ROBO2: variants seen among roughly 807,000 people sequenced by gnomAD.
ROBO2 encodes roundabout homolog 2.
A neutral mutation model predicts 160.8 loss-of-function variants in ROBO2; 53 were observed. That is an observed-to-expected ratio of 0.33 (90% CI 0.26 to 0.41). The LOEUF is 0.41. Ranked by LOEUF, ROBO2 falls within the 10% of genes least tolerant of loss-of-function variation. ROBO2 has a pLI of 1.00. For synonymous variants in ROBO2, 664 were observed against 611.7 expected (o/e 1.09, Z -1.26); for missense variants, 1,577 against 1,722.4 (o/e 0.92, Z 1.49).
intron 2 of ROBO2, among the ~76,000 whole-genome samples, chr3:77,324,827 G>A (rs2065218358): frequency 1.3e-5 from 2 of 148,852 alleles, no homozygotes; most frequent in African/African-American, 4.9e-5. Flanking sequence ...TACAGGGATA[G>A]CAAAAATGAA....
chr3:76,934,055 T>C (rs1361012352), intron 2 of ROBO2, among the ~76,000 whole-genome samples: 1 of 152,034 alleles, frequency 6.6e-6, no homozygotes, highest in Non-Finnish European at 1.5e-5. Context: ...AGTTCAGCTC[T>C]AAAAGCTTTT....
chr3:76,907,830 G>GTGTGTT (rs2075711762), intron 2 of ROBO2, among the ~76,000 whole-genome samples: 1 of 115,394 alleles, frequency 8.7e-6, no homozygotes, highest in Non-Finnish European at 2.0e-5. Context: ...TGGGGTGTGT[G>GTGTGTT]TGTGTGTGTG....
chr3:77,477,822 T>C (rs1426314044), intron 3 of ROBO2, among the ~76,000 whole-genome samples: 1 of 146,590 alleles, frequency 6.8e-6, no homozygotes. Flanking sequence ...AATATTGATA[T>C]TTTAGCTCTT....
At chr3:76,534,468 A>G (rs1489140439) in intron 2 of ROBO2, among the ~76,000 whole-genome samples, 1 of 152,124 alleles carries the variant, frequency 6.6e-6, no homozygotes, top group Admixed American at 6.5e-5. Flanking sequence ...TATATTACCC[A>G]TTTACCATAG....
chr3:76,487,148 A>G (rs908478386), intron 2 of ROBO2, among the ~76,000 whole-genome samples: 1 of 131,014 alleles, frequency 7.6e-6, no homozygotes, highest in African/African-American at 2.6e-5. Flanking sequence ...TTTTTAATTT[A>G]ATTTTTTTTT....
At chr3:76,374,411 T>G (rs1211511385) in intron 2 of ROBO2, among the ~76,000 whole-genome samples, 1 of 151,984 alleles carries the variant, frequency 6.6e-6, no homozygotes, top group Non-Finnish European at 1.5e-5. Context: ...ATGAAATCAC[T>G]TACAATTTTA....
chr3:76,744,804 T>C (rs926112711), intron 2 of ROBO2, among the ~76,000 whole-genome samples: 1 of 152,160 alleles, frequency 6.6e-6, no homozygotes, highest in Non-Finnish European at 1.5e-5. Context: ...AAGGGAATAA[T>C]TGGCTGTCCT....
At position 77,602,498 on chromosome 3, in the gene ROBO2, C is replaced by T; in HGVS notation, c.3136+7C>T. On this transcript the variant is annotated splice_region_variant and intron_variant, in intron 20 of 25. Coordinates refer to ENST00000461745, the Ensembl canonical transcript of ROBO2. The stretch of plus-strand genomic sequence containing the variant: ...CAGAACAAAGGTAACAATGGTGAGT[C>T]AGGTTCTTGTGTCCTGAGGAGGTAT... 6.2e-7 allele frequency: 1 copy of T among 1,614,014 alleles called. No homozygotes were observed. The highest frequency in any genetic ancestry group is 8.5e-7 in the Non-Finnish European group (1 of 1,179,956).
At chr3:77,370,853 G>T (rs1245987510) in intron 2 of ROBO2, among the ~76,000 whole-genome samples, 1 of 152,092 alleles carries the variant, frequency 6.6e-6, no homozygotes, top group Non-Finnish European at 1.5e-5. Context: ...ACAAGAGACC[G>T]CATTACCCAC....
At chr3:75,937,541 T>C in exon 2 of ROBO2, 1 of 1,578,224 alleles carries the variant, frequency 6.3e-7, no homozygotes, top group Non-Finnish European at 8.6e-7. Context: ...GGACATGGGC[T>C]CCGGGACTGT....
In ROBO2 at chr3:77,047,321, T is replaced by C. The variant is rs2064770252; in HGVS notation, c.61+6475T>C. ...CTTTTTATGCCTCAGTGTCCTTACCTGTAAAATGGGCATGGTAATAATGTA... is the reference window on the plus strand; with the variant it reads ...CTTTTTATGCCTCAGTGTCCTTACCCGTAAAATGGGCATGGTAATAATGTA... On this transcript the variant is annotated intron_variant, in intron 1 of 25. Coordinates refer to ENST00000461745, the Ensembl canonical transcript of ROBO2. 2.0e-5 allele frequency among the ~76,000 whole-genome samples: 3 copies of C among 152,194 alleles called. No individual in the cohort carries two copies. In the South Asian group the frequency reaches 6.2e-4, roughly 32 times the overall value.
At chr3:77,031,716 A>G (rs1197549511) in intron 2 of ROBO2, among the ~76,000 whole-genome samples, 1 of 147,308 alleles carries the variant, frequency 6.8e-6, no homozygotes, top group Admixed American at 6.8e-5. Flanking sequence ...TTATAATTAT[A>G]TTATTATATA....
chr3:76,539,095 C>T (rs576654115), intron 2 of ROBO2, among the ~76,000 whole-genome samples: 1 of 152,168 alleles, frequency 6.6e-6, no homozygotes, highest in East Asian at 1.9e-4. Flanking sequence ...AACACAGGAA[C>T]AGAAAACCAA....
chr3:76,894,761 G>A (rs1274648774), intron 2 of ROBO2, among the ~76,000 whole-genome samples: 2 of 152,062 alleles, frequency 1.3e-5, no homozygotes, highest in South Asian at 4.1e-4. Flanking sequence ...CATGGACAAA[G>A]TTCCTGGAGA....
intron 2 of ROBO2, among the ~76,000 whole-genome samples, chr3:76,453,168 T>C (rs2109299736): frequency 6.6e-6 from 1 of 152,346 alleles, no homozygotes; most frequent in South Asian, 2.1e-4. Context: ...GTGCAGAAGC[T>C]CTCTAGTTTA....
At position 75,924,719 on chromosome 3, in the gene ROBO2, T is replaced by G. The variant is rs58466908; in HGVS notation, c.-13-12762T>G. On this transcript the variant is annotated intron_variant, in intron 1 of 26. Transcript: ENST00000487694. ...TTTTTTTTTTTTGAGACTGTAGTCTTGCTCTGTGGCTCAGGCTGGAGTGCA... is the reference window on the plus strand; with the variant it reads ...TTTTTTTTTTTTGAGACTGTAGTCTGGCTCTGTGGCTCAGGCTGGAGTGCA... 2.6e-4 allele frequency among the ~76,000 whole-genome samples: 32 copies of G among 122,888 alleles called. No homozygotes were observed. The East Asian group carries it at 7.7e-3, about 30-fold the overall frequency. 80.6% of individuals were successfully genotyped at this position (122,888 alleles called of 152,430 possible). A position where few individuals can be genotyped will look rare whatever the true frequency, so the allele number is the denominator to read the frequency against.
rs533885819 is a variant in ROBO2, at chr3:76,913,945, C to T, written c.110-184069C>T. 6.5e-4 allele frequency among the ~76,000 whole-genome samples: 83 copies of T among 127,096 alleles called. 1 individual carries two copies. The highest frequency in any genetic ancestry group is 5.8e-3 in the South Asian group (24 of 4,120). 83.4% of individuals were successfully genotyped at this position (127,096 alleles called of 152,430 possible). The stretch of plus-strand genomic sequence containing the variant: ...AGAGGAGTAACTGTGAATAATACTC[C>T]ATTACATGAGTAACTGAGTAATACT... On this transcript the variant is annotated intron_variant, in intron 2 of 26. Transcript: ENST00000487694.
At chr3:77,524,152 T>A (rs1326572162) in intron 6 of ROBO2, among the ~76,000 whole-genome samples, 1 of 151,358 alleles carries the variant, frequency 6.6e-6, no homozygotes, top group Non-Finnish European at 1.5e-5. Context: ...CCATTTTTTC[T>A]TCTGTAGATA....
chr3:77,025,807 G>T (rs2062928334), intron 2 of ROBO2, among the ~76,000 whole-genome samples: 1 of 152,014 alleles, frequency 6.6e-6, no homozygotes, highest in African/African-American at 2.4e-5. Context: ...TTCCTTGAGA[G>T]GTATTTTCCT....
Sources: allele counts gnomAD v4.1 joint callset (sites outside exome capture counted in the v4.1 genomes callset), GRCh38; gene constraint gnomAD v4.1.1; transcripts MANE v1.5; gene names NCBI Gene and HGNC (gene_info 2026-07-23, HGNC 2026-07-21).